Variants in ATG5 observed in about 807,000 individuals in gnomAD.
The protein encoded by ATG5 is autophagy protein 5.
In ATG5, 14 loss-of-function variants were observed where a neutral mutation model predicts 36.5. The observed-to-expected ratio is 0.38, with a 90% CI of 0.25 to 0.60. The LOEUF is 0.60. ATG5 is among the 20% of genes least tolerant of loss of function. The probability of loss-of-function intolerance (pLI) is 0.60; values close to 1 mark genes in which losing one functional copy is unlikely to be tolerated. For missense variants in ATG5, 195 were observed against 326.7 expected, an observed-to-expected ratio of 0.60 and a Z score of 3.11; for synonymous variants, 95 against 101.5, an observed-to-expected ratio of 0.94 and a Z score of 0.38.
intron 6 of ATG5, among the ~76,000 whole-genome samples, chr6:106,241,873 C>T (rs1049676379): frequency 6.6e-6 from 1 of 151,978 alleles, no homozygotes; most frequent in Non-Finnish European, 1.5e-5. Context: ...GGAAGAGCTG[C>T]CAAAACCAGG....
intron 7 of ATG5, among the ~76,000 whole-genome samples, chr6:106,198,240 A>T (rs1281177208): frequency 6.6e-6 from 1 of 152,146 alleles, no homozygotes; most frequent in Non-Finnish European, 1.5e-5. Context: ...ATCTCTAAAG[A>T]TATACAGGAA....
chr6:106,228,348 G>A (rs1413679953), intron 6 of ATG5, among the ~76,000 whole-genome samples: 1 of 152,162 alleles, frequency 6.6e-6, no homozygotes, highest in African/African-American at 2.4e-5. Context: ...CTGATCCAGT[G>A]AGACGCCCAT....
At chr6:106,234,880 C>A (rs1437722453) in intron 6 of ATG5, among the ~76,000 whole-genome samples, 1 of 152,214 alleles carries the variant, frequency 6.6e-6, no homozygotes, top group Non-Finnish European at 1.5e-5. Context: ...GCAAGATCAA[C>A]TTAACTTCCT....
chr6:106,214,729 C>T (rs1251828531), intron 6 of ATG5, among the ~76,000 whole-genome samples: 2 of 152,148 alleles, frequency 1.3e-5, no homozygotes, highest in African/African-American at 2.4e-5. Context: ...TCTTCGTATC[C>T]TTTGACTGAA....
intron 7 of ATG5, among the ~76,000 whole-genome samples, chr6:106,200,517 A>C (rs1335931609): frequency 6.6e-6 from 1 of 150,380 alleles, no homozygotes; most frequent in African/African-American, 2.5e-5. Context: ...CTCTGTCACC[A>C]AGGCTGGAGT....
At chr6:106,252,762 A>G (rs555129350) in intron 5 of ATG5, among the ~76,000 whole-genome samples, 9 of 152,220 alleles carry the variant, frequency 5.9e-5, no homozygotes, top group African/African-American at 9.7e-5. Context: ...CATGCAGGAA[A>G]CCGATGAAAT....
intron 6 of ATG5, among the ~76,000 whole-genome samples, chr6:106,211,619 AG>A (rs1776855006): frequency 2.0e-5 from 3 of 152,194 alleles, no homozygotes; most frequent in Admixed American, 6.5e-5. Flanking sequence ...CTGAGGCAGG[AG>A]AATCACTTGA....
intron 6 of ATG5, among the ~76,000 whole-genome samples, chr6:106,219,040 A>G (rs553192766): frequency 1.3e-5 from 2 of 152,226 alleles, no homozygotes; most frequent in East Asian, 3.9e-4. Flanking sequence ...GAAAAGGAGG[A>G]AAGAACACAA....
chr6:106,294,845 G>GAAAAAAA (rs1219794619), intron 3 of ATG5, among the ~76,000 whole-genome samples: 1 of 85,946 alleles, frequency 1.2e-5, no homozygotes, highest in African/African-American at 4.2e-5. Flanking sequence ...CTTTTCTCAA[G>GAAAAAAA]AAAAAAAAAA....
At position 106,285,138 on chromosome 6, in the gene ATG5, C is replaced by G. The variant is rs116878802; in HGVS notation, c.316-5315G>C. Among the ~76,000 whole-genome samples the G allele has an allele frequency of 4.2e-3, 634 of 152,282 alleles. 14 individuals carry two copies. Among genetic ancestry groups the G allele is most frequent in the East Asian group, 0.033 (172 of 5,190 alleles). The stretch of plus-strand genomic sequence containing the variant: ...TCTCTCTATTCTCCAAACTGGGTAA[C>G]TTCTATCGATCTGTCTTTGAGTTCA... On this transcript the variant is annotated intron_variant, in intron 4 of 7. Transcript: ENST00000369076.
intron 5 of ATG5, among the ~76,000 whole-genome samples, chr6:106,256,561 T>C (rs1280403482): frequency 1.3e-5 from 2 of 152,202 alleles, no homozygotes. Flanking sequence ...TCAGGCAATT[T>C]CATCATGCGA....
chr6:106,230,033 A>C (rs986473968), intron 6 of ATG5, among the ~76,000 whole-genome samples: 4 of 152,240 alleles, frequency 2.6e-5, no homozygotes, highest in Non-Finnish European at 5.9e-5. Flanking sequence ...ATTACCATAC[A>C]AAGGTCCGAC....
At chr6:106,273,614 GAAAGA>G (rs142354756) in intron 5 of ATG5, among the ~76,000 whole-genome samples, 12,956 of 152,104 alleles carry the variant, frequency 0.085, 573 homozygotes, top group South Asian at 0.13. Context: ...GAAAAGAAAA[GAAAGA>G]AAAGTCCAGC....
intron 7 of ATG5, among the ~76,000 whole-genome samples, chr6:106,187,737 A>G (rs1460252325): frequency 1.3e-5 from 2 of 152,206 alleles, no homozygotes; most frequent in Non-Finnish European, 2.9e-5. Context: ...GGTCTGGGCA[A>G]AATGAGCTGA....
At chr6:106,217,149 C>T (rs1777072320) in intron 6 of ATG5, among the ~76,000 whole-genome samples, 1 of 151,910 alleles carries the variant, frequency 6.6e-6, no homozygotes, top group African/African-American at 2.4e-5. Flanking sequence ...AACCCCAAAA[C>T]AACAAAGATC....
At chr6:106,230,349 G>A (rs1582581584) in intron 6 of ATG5, among the ~76,000 whole-genome samples, 1 of 152,198 alleles carries the variant, frequency 6.6e-6, no homozygotes, top group African/African-American at 2.4e-5. Flanking sequence ...GAGCAGCTGG[G>A]TTGTTATGAA....
At chr6:106,224,000 TG>T (rs1196842716) in intron 6 of ATG5, among the ~76,000 whole-genome samples, 6 of 152,242 alleles carry the variant, frequency 3.9e-5, no homozygotes, top group African/African-American at 1.4e-4. Flanking sequence ...TAGAAGGAAA[TG>T]TTTCAAAAAC....
intron 5 of ATG5, among the ~76,000 whole-genome samples, chr6:106,266,929 T>G (rs1405792005): frequency 6.6e-6 from 1 of 152,222 alleles, no homozygotes; most frequent in East Asian, 1.9e-4. Flanking sequence ...GCATTCCCTT[T>G]GAAAACGGCC....
intron 5 of ATG5, among the ~76,000 whole-genome samples, chr6:106,254,109 T>C (rs919869379): frequency 1.1e-4 from 16 of 152,168 alleles, no homozygotes; most frequent in African/African-American, 3.6e-4. Flanking sequence ...AATACCAAAC[T>C]TGCTCCCATT....
Sources: gnomAD v4.1 joint callset for allele counts (sites outside exome capture counted in the v4.1 genomes callset) on GRCh38, gnomAD v4.1.1 for gene constraint, MANE v1.5 for transcripts, NCBI Gene and HGNC (gene_info 2026-07-23, HGNC 2026-07-21) for gene names.